Variants in CYP24A1 observed in about 807,000 individuals in gnomAD.
CYP24A1 encodes the protein cytochrome P450 family 24 subfamily A member 1.
CYP24A1 carries 68 observed loss-of-function variants against 62.4 expected under a neutral mutation model. The ratio of observed to expected loss-of-function variants is 1.09; its 90% CI spans 0.90 to 1.33. CYP24A1 has a LOEUF of 1.33. Among genes scored for constraint, CYP24A1 ranks in the 40% most tolerant of loss-of-function variants. The pLI, the probability that CYP24A1 is intolerant of heterozygous loss-of-function variation, is 0.00. For missense variants in CYP24A1, 787 were observed against 653.0 expected, an observed-to-expected ratio of 1.21 and a Z score of -2.24; for synonymous variants, 267 against 253.0, an observed-to-expected ratio of 1.06 and a Z score of -0.52.
chr20:54,170,726 T>C (rs2092691088), intron 3 of CYP24A1, among the ~76,000 whole-genome samples: 1 of 152,136 alleles, frequency 6.6e-6, no homozygotes, highest in Non-Finnish European at 1.5e-5. Flanking sequence ...GCATGCACTA[T>C]CACGTTTCCT....
chr20:54,171,746 C>A, intron 2 of CYP24A1, 76 bp from the exon 3 acceptor site: 22 of 1,612,458 alleles, frequency 1.4e-5, no homozygotes, highest in Non-Finnish European at 1.9e-5. Flanking sequence ...CCAGCTGCAA[C>A]TTCAGGAACC....
At chr20:54,160,494 C>T (rs140444137) in intron 7 of CYP24A1, among the ~76,000 whole-genome samples, 164 of 152,336 alleles carry the variant, frequency 1.1e-3, no homozygotes, top group Middle Eastern at 3.4e-3. Context: ...AAGTGCAAGA[C>T]CATTCAGAGA....
intron 6 of CYP24A1, among the ~76,000 whole-genome samples, chr20:54,163,545 A>G (rs2092660180): frequency 6.6e-6 from 1 of 152,182 alleles, no homozygotes; most frequent in South Asian, 2.1e-4. Context: ...GCCATCACCT[A>G]GCATGCAATC....
chr20:54,167,893 C>T (rs890273572), intron 4 of CYP24A1, among the ~76,000 whole-genome samples: 12 of 152,308 alleles, frequency 7.9e-5, no homozygotes, highest in African/African-American at 2.9e-4. Context: ...CAGTGATCCT[C>T]CCAGTAAATC....
chr20:54,172,856 C>T (rs149417481), intron 2 of CYP24A1, 53 bp downstream of exon 2: 9 of 1,611,366 alleles, frequency 5.6e-6, no homozygotes, highest in Admixed American at 3.3e-5. Context: ...TTCCAGGCGC[C>T]GTCAGGCTCA....
At chr20:54,169,794 C>G in intron 3 of CYP24A1, 106 bp from the exon 4 acceptor site, 1 of 1,560,816 alleles carries the variant, frequency 6.4e-7, no homozygotes, top group Non-Finnish European at 8.6e-7. Context: ...CGCATATTCA[C>G]TGGCCATAAT....
chr20:54,172,948 T>C lies in CYP24A1; in HGVS notation c.410A>G (p.Tyr137Cys). The C allele has an allele frequency of 6.2e-7, 1 of 1,613,788 alleles. No homozygotes were observed. Among genetic ancestry groups the C allele is most frequent in the Non-Finnish European group, 8.5e-7 (1 of 1,180,036 alleles). ...QRLEIKPWKAYRDYRKEGYGL... is the reference protein window; with the variant it reads ...QRLEIKPWKACRDYRKEGYGL... ...GTAGCCTTCTTTGCGGTAGTCGCGATAGGCCTTCCACGGTTTGATCTCCAG... is the reference window on the plus strand; with the variant it reads ...GTAGCCTTCTTTGCGGTAGTCGCGACAGGCCTTCCACGGTTTGATCTCCAG... The change falls in exon 2 of 12, where the codon TAT becomes TGT. Residue 137 changes from tyrosine (Y) to cysteine (C), a missense_variant. Physicochemically the swap from Tyr to Cys is radical, Grantham distance 194. Transcript: ENST00000216862.
downstream of CYP24A1, among the ~76,000 whole-genome samples, chr20:54,148,675 C>G (rs2092608180): frequency 1.3e-5 from 2 of 152,252 alleles, no homozygotes; most frequent in South Asian, 4.1e-4. Flanking sequence ...CAACAATGCA[C>G]AGGAACCTAT....
intron 7 of CYP24A1, among the ~76,000 whole-genome samples, chr20:54,160,991 TC>T (rs2092648317): frequency 6.6e-6 from 1 of 152,310 alleles, no homozygotes; most frequent in East Asian, 1.9e-4. Flanking sequence ...CTATTCTCCA[TC>T]CACCAGCCAG....
At position 54,173,214 on chromosome 20, in the gene CYP24A1, C is replaced by G; in HGVS notation, c.258+108G>C. On this transcript the variant is annotated intron_variant, in intron 1 of 11. Transcript: ENST00000216862. This position sits in a 1 kb window ranked among gnomAD's most constrained non-coding sequence, Gnocchi z 7.2. The stretch of plus-strand genomic sequence containing the variant: ...GGACCGGGGACCCTCCCTGCCCAGA[C>G]GCCGAAGCGCACCATGCGCCCGAGG... 1.3e-6 allele frequency: 2 copies of G among 1,515,880 alleles called. No individual in the cohort carries two copies. Among genetic ancestry groups the G allele is most frequent in the South Asian group, 1.1e-5 (1 of 87,802 alleles). The allele number at this position is 1,515,880 out of a possible 1,614,324, so 93.9% of individuals were successfully genotyped here.
At position 54,173,209 on chromosome 20, in the gene CYP24A1, C is replaced by T; in HGVS notation, c.259-110G>A. 1 of 1,520,696 alleles carries T rather than the reference C, an allele frequency of 6.6e-7. No homozygotes were observed. The highest frequency in any genetic ancestry group is 9.0e-7 in the Non-Finnish European group (1 of 1,105,826). The allele number at this position is 1,520,696 out of a possible 1,614,324, so 94.2% of individuals were successfully genotyped here. A position where few individuals can be genotyped will look rare whatever the true frequency, so the allele number is the denominator to read the frequency against. On this transcript the variant is annotated intron_variant, in intron 1 of 11. Transcript: ENST00000216862. This position sits in a 1 kb window ranked among gnomAD's most constrained non-coding sequence, Gnocchi z 7.2. ...CTAGGGGACCGGGGACCCTCCCTGC[C>T]CAGACGCCGAAGCGCACCATGCGCC...
chr20:54,160,297 G>A (rs77775936), intron 7 of CYP24A1, among the ~76,000 whole-genome samples: 2,477 of 152,258 alleles, frequency 0.016, 91 homozygotes, highest in African/African-American at 0.056. Context: ...AAAAAATATT[G>A]GTGGAAACAG....
At position 54,173,195 on chromosome 20, in the gene CYP24A1, G is replaced by C. The variant is rs992761757; in HGVS notation, c.259-96C>G. On this transcript the variant is annotated intron_variant, in intron 1 of 11. Transcript: ENST00000216862. This position sits in a 1 kb window ranked among gnomAD's most constrained non-coding sequence, Gnocchi z 7.2. ...CCGCCTCCTTCCTCCTAGGGGACCG[G>C]GGACCCTCCCTGCCCAGACGCCGAA... 1 of 1,540,936 alleles carries C rather than the reference G, an allele frequency of 6.5e-7. No individual in the cohort carries two copies. Among genetic ancestry groups the C allele is most frequent in the African/African-American group, 1.4e-5 (1 of 73,636 alleles).
rs1039973221 is a variant in CYP24A1, at chr20:54,153,832, T to C, written c.*940A>G. The C allele has an allele frequency of 6.6e-6, 1 of 152,652 alleles. No homozygotes were observed. Among genetic ancestry groups the C allele is most frequent in the African/African-American group, 2.4e-5 (1 of 41,460 alleles). 9.5% of individuals were successfully genotyped at this position (152,652 alleles called of 1,614,324 possible). Reference sequence around the variant, plus strand: ...AGTTCAAATCACAAAACAAATGTTATATAACAGATCTCTAACTTTTGCATG... The same window carrying C: ...AGTTCAAATCACAAAACAAATGTTACATAACAGATCTCTAACTTTTGCATG... On this transcript the variant is annotated 3_prime_UTR_variant, in exon 12 of 12. Transcript: ENST00000216862.
intron 2 of CYP24A1, 148 bp downstream of exon 2, chr20:54,172,761 C>A: frequency 6.6e-7 from 1 of 1,512,360 alleles, no homozygotes; most frequent in Non-Finnish European, 8.8e-7. Flanking sequence ...CTCAGGGTTG[C>A]GATGGCACGG....
chr20:54,162,220 CTTTTTTTTTTTTT>C (rs530338632), intron 7 of CYP24A1, among the ~76,000 whole-genome samples: 33 of 72,548 alleles, frequency 4.5e-4, no homozygotes, highest in East Asian at 1.5e-3. Context: ...GAGAGTATGC[CTTTTTTTTTTTTT>C]TTTTTTTTTT....
rs2092702716 is a variant in CYP24A1, at chr20:54,173,514, C to T, written c.66G>A (p.Arg22=). ...TAGATGTCACCAGTCTCGGGGGCTG[C>T]CTCGGACTGCGCAGCTGCTGCAGGA... ...AAFLQQLRSP[R]QPPRLVTSTA... Residue 22 remains arginine, a synonymous_variant, in exon 1 of 12, where the codon AGG becomes AGA. Transcript: ENST00000216862. The surrounding 1 kb of genome is among the most constrained non-coding windows in gnomAD (Gnocchi z 7.2). The T allele has an allele frequency of 1.3e-6, 2 of 1,570,382 alleles. No homozygotes were observed. The highest frequency in any genetic ancestry group is 2.3e-5 in the East Asian group (1 of 42,790).
intron 6 of CYP24A1, among the ~76,000 whole-genome samples, chr20:54,163,549 T>G (rs1007855392): frequency 6.6e-6 from 1 of 152,234 alleles, no homozygotes; most frequent in Non-Finnish European, 1.5e-5. Flanking sequence ...TCACCTAGCA[T>G]GCAATCTTGG....
At chr20:54,171,865 A>G (rs972645191) in intron 2 of CYP24A1, 195 bp from the exon 3 acceptor site, 3 of 1,328,934 alleles carry the variant, frequency 2.3e-6, no homozygotes, top group South Asian at 3.0e-5. Context: ...GTTTGACAAT[A>G]GGATGAAAAA....
Sources: gnomAD v4.1 joint callset for allele counts (sites outside exome capture counted in the v4.1 genomes callset) on GRCh38, gnomAD v4.1.1 for gene constraint, Gnocchi (gnomAD v3.1) non-coding constraint, MANE v1.5 for transcripts, NCBI Gene and HGNC (gene_info 2026-07-23, HGNC 2026-07-21) for gene names.